Variants in FAT4 observed in about 807,000 individuals in gnomAD.
FAT4 encodes the protein FAT atypical cadherin 4.
Under a neutral mutation model 303.9 loss-of-function variants are expected in FAT4, and 84 were observed. The observed-to-expected ratio is 0.28, with a 90% CI of 0.23 to 0.33. The LOEUF is 0.33. FAT4 is among the 10% of genes least tolerant of loss of function. The pLI, the probability that FAT4 is intolerant of heterozygous loss-of-function variation, is 1.00. For synonymous variants in FAT4, 2,307 were observed against 2,298.8 expected (o/e 1.00, Z -0.10); for missense variants, 6,005 against 6,146.8 (o/e 0.98, Z 0.77).
At chr4:125,417,968 G>T (rs1735137195) in intron 7 of FAT4, among the ~76,000 whole-genome samples, 2 of 152,162 alleles carry the variant, frequency 1.3e-5, no homozygotes, top group Non-Finnish European at 2.9e-5. Flanking sequence ...CTCTTGATAT[G>T]AATAACCACT....
Position 125,448,901 on chromosome 4 carries a change from T to C in FAT4, c.7891T>C (p.Phe2631Leu), listed in dbSNP as rs773242899. Residue 2631 changes from phenylalanine to leucine, a missense_variant, in exon 10 of 18, where the codon TTT becomes CTT. Phe to Leu is a conservative substitution (Grantham distance 22). Coordinates refer to ENST00000394329, the MANE Select transcript of FAT4 (RefSeq NM_001291303.3). Reference sequence around the variant, plus strand: ...GGTGTCTATTAGTCAACCTCTGGATTTTGAAAAGATACAAAAATATGTTGT... The same window carrying C: ...GGTGTCTATTAGTCAACCTCTGGATCTTGAAAAGATACAAAAATATGTTGT... ...GQVSISQPLD[F>L]EKIQKYVVWI... 4.2e-5 allele frequency: 67 copies of C among 1,611,302 alleles called. No individual in the cohort carries two copies. The highest frequency in any genetic ancestry group is 5.5e-5 in the Non-Finnish European group (65 of 1,179,404).
chr4:125,377,448 T>C (rs914336940), intron 2 of FAT4, among the ~76,000 whole-genome samples: 1 of 152,160 alleles, frequency 6.6e-6, no homozygotes, highest in Non-Finnish European at 1.5e-5. Context: ...TGCTTTATAA[T>C]CAATATTATT....
At chr4:125,457,319 C>T (rs1397131667) in intron 10 of FAT4, among the ~76,000 whole-genome samples, 1 of 151,742 alleles carries the variant, frequency 6.6e-6, no homozygotes, top group Non-Finnish European at 1.5e-5. Flanking sequence ...TATAAGGACG[C>T]AAGTATGAAA....
At chr4:125,328,467 C>T (rs964665097) in intron 2 of FAT4, among the ~76,000 whole-genome samples, 1 of 152,110 alleles carries the variant, frequency 6.6e-6, no homozygotes, top group African/African-American at 2.4e-5. Context: ...GACGTGTATG[C>T]ATTTTTAAGA....
chr4:125,415,449 G>A lies in FAT4; in HGVS notation c.6486G>A (p.Glu2162=). 1 of 1,614,118 alleles carries A rather than the reference G, an allele frequency of 6.2e-7. No homozygotes were observed. Residue 2162 remains glutamate (E), a synonymous_variant, in exon 6 of 18, where the codon GAG becomes GAA. Transcript: ENST00000394329. ...PIFAQALYKV[E]INENTLTGTD... ...TTGCACAAGCTTTGTATAAAGTGGA[G>A]ATTAATGAAAACACACTTACTGGAA...
intron 10 of FAT4, among the ~76,000 whole-genome samples, chr4:125,454,116 A>G (rs1021048596): frequency 6.6e-6 from 1 of 152,242 alleles, no homozygotes; most frequent in African/African-American, 2.4e-5. Context: ...CATAATTTAC[A>G]GTACTAGTAG....
intron 2 of FAT4, among the ~76,000 whole-genome samples, chr4:125,382,485 C>A (rs976085686): frequency 6.6e-6 from 1 of 152,328 alleles, no homozygotes; most frequent in Admixed American, 6.5e-5. Flanking sequence ...TAATTGTCAA[C>A]AGCGGGCTTA....
At chr4:125,363,131 T>C (rs1429109909) in intron 2 of FAT4, among the ~76,000 whole-genome samples, 1 of 152,126 alleles carries the variant, frequency 6.6e-6, no homozygotes, top group East Asian at 1.9e-4. Context: ...ATAAAAATTG[T>C]ATACAAGGCA....
chr4:125,419,887 A>G lies in FAT4; in HGVS notation c.7018+3265A>G, dbSNP rs974361063. 5.3e-5 allele frequency among the ~76,000 whole-genome samples: 8 copies of G among 152,212 alleles called. No homozygotes were observed. In the South Asian group the frequency reaches 6.2e-4, roughly 12 times the overall value. On this transcript the variant is annotated intron_variant, in intron 7 of 17. Transcript: ENST00000394329. ...TGTTTCTTGAAAGCAGTTGCTAAACATTTACTGAATACTGCCAATGCCAAC... is the reference window on the plus strand; with the variant it reads ...TGTTTCTTGAAAGCAGTTGCTAAACGTTTACTGAATACTGCCAATGCCAAC...
At chr4:125,477,123 A>T in intron 13 of FAT4, 32 bp from the exon 14 acceptor site, 1 of 1,311,884 alleles carries the variant, frequency 7.6e-7, no homozygotes, top group Non-Finnish European at 9.9e-7. Flanking sequence ...ATCTTTTGAC[A>T]CTAATATTTA....
intron 2 of FAT4, among the ~76,000 whole-genome samples, chr4:125,389,275 C>T (rs1029506277): frequency 6.6e-6 from 1 of 151,966 alleles, no homozygotes; most frequent in Non-Finnish European, 1.5e-5. Context: ...AGCCTATAAT[C>T]TTAAAAACAG....
At position 125,319,654 on chromosome 4, in the gene FAT4, TGC is replaced by T; in HGVS notation, c.3244_3245del (p.Ala1082TyrfsTer13). 6.2e-7 allele frequency: 1 copy of T among 1,614,096 alleles called. No homozygotes were observed. Among genetic ancestry groups the T allele is most frequent in the East Asian group, 2.2e-5 (1 of 44,876 alleles). On this transcript the variant is annotated frameshift_variant, in exon 2 of 18. Transcript: ENST00000394329. LOFTEE classifies it high-confidence loss of function. ...CTGACAGAGCAGTGGAACCCCTTAG[TGC>T]TACTGTGAATGTTACTGTAATTTTA... is the stretch of plus-strand genomic sequence containing the variant. ...ASDRAVEPLSATVNVTVILED... is the reference protein window; with the variant it reads ...ASDRAVEPLSXTVNVTVILED...
At chr4:125,447,798 A>G (rs944384591) in intron 9 of FAT4, among the ~76,000 whole-genome samples, 2 of 152,122 alleles carry the variant, frequency 1.3e-5, no homozygotes, top group Non-Finnish European at 2.9e-5. Context: ...GTCCAAGTTG[A>G]GTCCATTATC....
chr4:125,456,278 G>C (rs1371101530), intron 10 of FAT4, among the ~76,000 whole-genome samples: 1 of 151,964 alleles, frequency 6.6e-6, no homozygotes, highest in Non-Finnish European at 1.5e-5. Flanking sequence ...GTGACTCCAG[G>C]GCCAGAGCTG....
Position 125,480,560 on chromosome 4 carries a change from G to T in FAT4, c.12604+695G>T, listed in dbSNP as rs555045681. Among the ~76,000 whole-genome samples the T allele has an allele frequency of 4.6e-3, 702 of 151,970 alleles. 8 individuals carry two copies. Among genetic ancestry groups the T allele is most frequent in the Non-Finnish European group, 7.5e-3 (512 of 67,900 alleles). ...TGGTTACTACTTAACTCCATTGCAGGTATCTGACTACATTTAAGGAGTCAT... is the reference window on the plus strand; with the variant it reads ...TGGTTACTACTTAACTCCATTGCAGTTATCTGACTACATTTAAGGAGTCAT... On this transcript the variant is annotated intron_variant, in intron 15 of 17. Transcript: ENST00000394329.
intron 2 of FAT4, among the ~76,000 whole-genome samples, chr4:125,360,513 A>C (rs1055591672): frequency 6.6e-6 from 1 of 152,138 alleles, no homozygotes; most frequent in African/African-American, 2.4e-5. Context: ...TGAAGTCATT[A>C]TTTCTCACAT....
chr4:125,477,031 T>C (rs2126083588), intron 13 of FAT4, 124 bp from the exon 14 acceptor site: 2 of 675,152 alleles, frequency 3.0e-6, no homozygotes, highest in Non-Finnish European at 4.3e-6. Context: ...ATATTTTCCA[T>C]TGAAATTTAT....
rs1726553480 is a variant in FAT4 at position 125,463,530 on chromosome 4, G to A, written c.11801-33G>A. On this transcript the variant is annotated intron_variant, in intron 10 of 17. Coordinates refer to ENST00000394329, the MANE Select transcript of FAT4 (RefSeq NM_001291303.3). ...ACGGTGTTAATATATTTATGTATGAGATTTAAAAAAAACTGAATTTGATAT... is the reference window on the plus strand; with the variant it reads ...ACGGTGTTAATATATTTATGTATGAAATTTAAAAAAAACTGAATTTGATAT... 5.1e-6 allele frequency: 7 copies of A among 1,360,012 alleles called. No individual in the cohort carries two copies. The Middle Eastern group carries it at 7.4e-4, about 144-fold the overall frequency. 84.2% of individuals were successfully genotyped at this position (1,360,012 alleles called of 1,614,324 possible). A position where few individuals can be genotyped will look rare whatever the true frequency, so the allele number is the denominator to read the frequency against.
intron 2 of FAT4, among the ~76,000 whole-genome samples, chr4:125,390,438 A>C (rs919874024): frequency 6.6e-6 from 1 of 152,090 alleles, no homozygotes; most frequent in Non-Finnish European, 1.5e-5. Flanking sequence ...GGTTGTACTG[A>C]TATTGGTGTG....
Sources: allele counts gnomAD v4.1 joint callset (sites outside exome capture counted in the v4.1 genomes callset), GRCh38; gene constraint gnomAD v4.1.1; transcripts MANE v1.5; gene names NCBI Gene and HGNC (gene_info 2026-07-23, HGNC 2026-07-21).